The following B4GALT1 variants were observed in gnomAD, a reference collection of about 807,000 sequenced individuals.
B4GALT1 encodes N-acetyllactosamine synthase.
A neutral mutation model predicts 34.9 loss-of-function variants in B4GALT1; 16 were observed. That is an observed-to-expected ratio of 0.46 (90% CI 0.31 to 0.70). The LOEUF (loss-of-function observed/expected upper bound fraction) is 0.70, where lower values mean the gene tolerates loss of function less well. Ranked by LOEUF, B4GALT1 falls within the 30% of genes least tolerant of loss-of-function variation. The probability of loss-of-function intolerance (pLI) is 0.05; values close to 1 mark genes in which losing one functional copy is unlikely to be tolerated. For synonymous variants in B4GALT1, 221 were observed against 218.1 expected, an observed-to-expected ratio of 1.01 and a Z score of -0.12; for missense variants, 445 against 530.5, an observed-to-expected ratio of 0.84 and a Z score of 1.58.
chr9:33,164,973 T>C (rs1437957036), intron 1 of B4GALT1, among the ~76,000 whole-genome samples: 17 of 31,762 alleles, frequency 5.4e-4, no homozygotes, highest in Admixed American at 3.7e-3. Flanking sequence ...TGCCCGTATT[T>C]TTTTTTTTTT....
At chr9:33,167,657 C>T (rs961080033), upstream of B4GALT1, among the ~76,000 whole-genome samples, 1 of 152,252 alleles carries the variant, frequency 6.6e-6, no homozygotes, top group Non-Finnish European at 1.5e-5. Context: ...CGCGCCACTT[C>T]CTGGGGTGCG....
At chr9:33,131,102 C>T (rs1485792725) in intron 2 of B4GALT1, among the ~76,000 whole-genome samples, 1 of 152,168 alleles carries the variant, frequency 6.6e-6, no homozygotes, top group Non-Finnish European at 1.5e-5. Context: ...TGAACCCAGG[C>T]AGTCTGAGCA....
upstream of B4GALT1, among the ~76,000 whole-genome samples, chr9:33,170,298 T>C (rs1168239943): frequency 6.6e-6 from 1 of 152,184 alleles, no homozygotes; most frequent in Non-Finnish European, 1.5e-5. Context: ...TTTTAAATAC[T>C]GTGATCATCT....
intron 3 of B4GALT1, among the ~76,000 whole-genome samples, chr9:33,117,007 G>C (rs1319059854): frequency 2.6e-5 from 4 of 152,206 alleles, no homozygotes; most frequent in Non-Finnish European, 5.9e-5. Context: ...TCAGTGACAA[G>C]AGCAGGCCTA....
At chr9:33,117,790 T>C (rs1488051435) in intron 3 of B4GALT1, among the ~76,000 whole-genome samples, 2 of 152,234 alleles carry the variant, frequency 1.3e-5, no homozygotes, top group Non-Finnish European at 2.9e-5. Context: ...CATCCACCTT[T>C]GGCACACCTC....
intron 1 of B4GALT1, among the ~76,000 whole-genome samples, chr9:33,145,607 C>T (rs1276875175): frequency 6.6e-6 from 1 of 151,948 alleles, no homozygotes; most frequent in Non-Finnish European, 1.5e-5. Context: ...TGTGTTGGCC[C>T]CATGGTTACA....
intron 3 of B4GALT1, among the ~76,000 whole-genome samples, chr9:33,117,757 G>A (rs1839961277): frequency 6.6e-6 from 1 of 152,196 alleles, no homozygotes; most frequent in South Asian, 2.1e-4. Flanking sequence ...TCGTAATTAG[G>A]TGTCATCACT....
At chr9:33,158,065 G>T (rs1019683365) in intron 1 of B4GALT1, among the ~76,000 whole-genome samples, 5 of 152,112 alleles carry the variant, frequency 3.3e-5, no homozygotes, top group African/African-American at 1.2e-4. Context: ...AGCCTCATGG[G>T]TAGTGAGCTT....
rs1564033722 is a variant in B4GALT1, at chr9:33,111,269, A to AAAAAAAAAAAAAAC, written c.*2184_*2185insGTTTTTTTTTTTTT. ...GGTAACCAAAAAAAAAAAAAAAAAAAAAAAAAAAACAACAAGAAAAGGTAG... is the reference window on the plus strand; with the variant it reads ...GGTAACCAAAAAAAAAAAAAAAAAAAAAAAAAAAAAAAACAAAAAAAAACAACAAGAAAAGGTAG... On this transcript the variant is annotated 3_prime_UTR_variant, in exon 6 of 6. Coordinates refer to ENST00000379731, the MANE Select transcript of B4GALT1 (RefSeq NM_001497.4). 1 of 144,694 alleles carries AAAAAAAAAAAAAAC rather than the reference A, an allele frequency of 6.9e-6. No homozygotes were observed. 9.0% of individuals were successfully genotyped at this position (144,694 alleles called of 1,614,324 possible). A position where few individuals can be genotyped will look rare whatever the true frequency, so the allele number is the denominator to read the frequency against.
chr9:33,178,116 C>T, the B4GALT1 span, among the ~76,000 whole-genome samples: 1 of 151,728 alleles, frequency 6.6e-6, no homozygotes, highest in Non-Finnish European at 1.5e-5. Flanking sequence ...CTCAGCCTCC[C>T]GAGTAGTTGG....
the B4GALT1 span, among the ~76,000 whole-genome samples, chr9:33,183,136 G>A: frequency 6.6e-6 from 1 of 152,152 alleles, no homozygotes; most frequent in African/African-American, 2.4e-5. Context: ...GCTCTGAGTA[G>A]TGTGACGAAA....
chr9:33,177,482 G>A, the B4GALT1 span: 3 of 152,122 alleles, frequency 2.0e-5, no homozygotes, highest in Non-Finnish European at 4.4e-5. Flanking sequence ...AAGTGAAAAT[G>A]TATTAGAACT....
chr9:33,117,433 G>A (rs1289819348), intron 3 of B4GALT1, among the ~76,000 whole-genome samples: 2 of 152,168 alleles, frequency 1.3e-5, no homozygotes, highest in African/African-American at 4.8e-5. Flanking sequence ...GGGATACAAA[G>A]TCAGCACTGA....
chr9:33,168,789 A>G (rs564720577), upstream of B4GALT1, among the ~76,000 whole-genome samples: 7 of 152,192 alleles, frequency 4.6e-5, no homozygotes, highest in Non-Finnish European at 1.5e-5. Flanking sequence ...ATTTGTCTCC[A>G]GCCCAGATCT....
At chr9:33,127,170 A>G (rs1840124522) in intron 2 of B4GALT1, among the ~76,000 whole-genome samples, 1 of 151,998 alleles carries the variant, frequency 6.6e-6, no homozygotes, top group South Asian at 2.1e-4. Flanking sequence ...TCACCATGTT[A>G]GCCAGGATGG....
the B4GALT1 span, among the ~76,000 whole-genome samples, chr9:33,182,510 T>C: frequency 6.6e-6 from 1 of 152,218 alleles, no homozygotes; most frequent in Non-Finnish European, 1.5e-5. Flanking sequence ...CCTGGTATGC[T>C]GTATCAGACT....
chr9:33,177,888 C>T, the B4GALT1 span, among the ~76,000 whole-genome samples: 3 of 152,126 alleles, frequency 2.0e-5, no homozygotes, highest in Non-Finnish European at 2.9e-5. Context: ...ACTTCTCCTC[C>T]TCCAGGTGGG....
chr9:33,150,450 A>G (rs1001163317), intron 1 of B4GALT1, among the ~76,000 whole-genome samples: 1 of 152,076 alleles, frequency 6.6e-6, no homozygotes, highest in Non-Finnish European at 1.5e-5. Flanking sequence ...ACATATAATC[A>G]AAATGAGCTA....
chr9:33,118,525 C>A (rs1183435304), intron 3 of B4GALT1, among the ~76,000 whole-genome samples: 2 of 151,336 alleles, frequency 1.3e-5, no homozygotes, highest in Admixed American at 6.6e-5. Flanking sequence ...TTTAAATCAG[C>A]CAGGGGTGCT....
Sources: allele counts gnomAD v4.1 joint callset (sites outside exome capture counted in the v4.1 genomes callset), GRCh38; gene constraint gnomAD v4.1.1; transcripts MANE v1.5; gene names NCBI Gene and HGNC (gene_info 2026-07-23, HGNC 2026-07-21).